LRRC4C: variants seen among roughly 807,000 people sequenced by gnomAD.
LRRC4C encodes leucine-rich repeat-containing protein 4C.
In LRRC4C, 5 loss-of-function variants were observed where a neutral mutation model predicts 33.6. The ratio of observed to expected loss-of-function variants is 0.15; its 90% CI spans 0.08 to 0.31. The LOEUF (loss-of-function observed/expected upper bound fraction) is 0.31, where lower values mean the gene tolerates loss of function less well. Ranked by LOEUF, LRRC4C falls within the 10% of genes least tolerant of loss-of-function variation. The pLI is 1.00. For missense variants in LRRC4C, 560 were observed against 796.7 expected (o/e 0.70, Z 3.58); for synonymous variants, 329 against 302.0 (o/e 1.09, Z -0.93).
intron 3 of LRRC4C, among the ~76,000 whole-genome samples, chr11:40,453,802 T>A (rs1952009385): frequency 1.3e-5 from 2 of 152,112 alleles, no homozygotes; most frequent in African/African-American, 2.4e-5. Flanking sequence ...GGGCTTATGG[T>A]GGGGTGAGAA....
chr11:41,034,607 G>GTATATATATATATATA (rs59350888), intron 1 of LRRC4C, among the ~76,000 whole-genome samples: 1 of 97,040 alleles, frequency 1.0e-5, no homozygotes, highest in African/African-American at 3.8e-5. Context: ...ATATGGTGAC[G>GTATATATATATATATA]TATATATATA....
At chr11:40,499,575 C>T (rs2138605191) in intron 3 of LRRC4C, among the ~76,000 whole-genome samples, 1 of 151,872 alleles carries the variant, frequency 6.6e-6, no homozygotes, top group South Asian at 2.1e-4. Flanking sequence ...AACAAAAGAG[C>T]CACAAAAAAT....
chr11:40,347,583 A>G (rs945156217), intron 3 of LRRC4C, among the ~76,000 whole-genome samples: 2 of 152,146 alleles, frequency 1.3e-5, no homozygotes, highest in Non-Finnish European at 2.9e-5. Context: ...GAGATGTGCA[A>G]TATTTCCTTT....
intron 1 of LRRC4C, among the ~76,000 whole-genome samples, chr11:41,423,222 C>G (rs2056247592): frequency 6.6e-6 from 1 of 151,844 alleles, no homozygotes. Flanking sequence ...TATTTGGAGA[C>G]CCATGGGTAA....
intron 5 of LRRC4C, among the ~76,000 whole-genome samples, chr11:40,236,636 C>A (rs1313024355): frequency 1.3e-5 from 2 of 152,002 alleles, no homozygotes; most frequent in Admixed American, 1.3e-4. Flanking sequence ...CTGAGGCACC[C>A]CCCTCCCCCA....
chr11:40,613,654 G>C (rs1287761439), intron 3 of LRRC4C, among the ~76,000 whole-genome samples: 6 of 151,744 alleles, frequency 4.0e-5, no homozygotes, highest in Admixed American at 4.0e-4. Context: ...ATCTAGGATG[G>C]TGAATCCTTT....
intron 1 of LRRC4C, among the ~76,000 whole-genome samples, chr11:41,129,535 T>C (rs1942913781): frequency 6.6e-6 from 1 of 152,042 alleles, no homozygotes; most frequent in African/African-American, 2.4e-5. Context: ...TGTAATTTAC[T>C]AATAGAATGT....
At chr11:40,487,307 T>A (rs1953913742) in intron 3 of LRRC4C, among the ~76,000 whole-genome samples, 1 of 152,094 alleles carries the variant, frequency 6.6e-6, no homozygotes, top group African/African-American at 2.4e-5. Flanking sequence ...TATAAAGAAT[T>A]TTCCTCTTCA....
intron 2 of LRRC4C, among the ~76,000 whole-genome samples, chr11:40,907,062 C>T (rs1283551234): frequency 6.6e-6 from 1 of 152,096 alleles, no homozygotes; most frequent in Non-Finnish European, 1.5e-5. Flanking sequence ...TGTTTTCAGT[C>T]CAGCAAATAT....
chr11:40,460,727 C>T (rs1436770203), intron 3 of LRRC4C, among the ~76,000 whole-genome samples: 1 of 152,112 alleles, frequency 6.6e-6, no homozygotes, highest in African/African-American at 2.4e-5. Context: ...AGACAAGATG[C>T]TCCACGAAGA....
intron 1 of LRRC4C, among the ~76,000 whole-genome samples, chr11:41,310,634 A>G (rs537340536): frequency 2.0e-5 from 3 of 152,336 alleles, no homozygotes; most frequent in South Asian, 2.1e-4. Context: ...CAAGTGTTAG[A>G]TATTATTATT....
At chr11:40,862,176 G>T (rs1008218183) in intron 2 of LRRC4C, among the ~76,000 whole-genome samples, 1 of 151,958 alleles carries the variant, frequency 6.6e-6, no homozygotes, top group Non-Finnish European at 1.5e-5. Context: ...AATAAAAGAT[G>T]GTTTTAAAAT....
chr11:41,330,021 G>A (rs1951243471), intron 1 of LRRC4C, among the ~76,000 whole-genome samples: 1 of 152,196 alleles, frequency 6.6e-6, no homozygotes, highest in South Asian at 2.1e-4. Flanking sequence ...GAGAAATAGA[G>A]AAAATCAAAC....
At chr11:40,910,557 A>C (rs1956624166) in intron 2 of LRRC4C, among the ~76,000 whole-genome samples, 1 of 152,176 alleles carries the variant, frequency 6.6e-6, no homozygotes, top group South Asian at 2.1e-4. Flanking sequence ...AAATTCAGAA[A>C]GTTTGGTGGT....
chr11:40,616,384 A>G (rs908321942), intron 3 of LRRC4C, among the ~76,000 whole-genome samples: 10 of 152,082 alleles, frequency 6.6e-5, no homozygotes, highest in African/African-American at 2.2e-4. Flanking sequence ...TAGAAACACC[A>G]TTTGACCCAG....
At chr11:40,908,107 C>A (rs1956505352) in intron 2 of LRRC4C, among the ~76,000 whole-genome samples, 1 of 152,026 alleles carries the variant, frequency 6.6e-6, no homozygotes, top group Admixed American at 6.6e-5. Flanking sequence ...TGAATAAATA[C>A]TCTGTTGGAT....
intron 2 of LRRC4C, among the ~76,000 whole-genome samples, chr11:40,871,848 T>G (rs887262536): frequency 2.0e-5 from 3 of 152,124 alleles, no homozygotes; most frequent in African/African-American, 7.2e-5. Context: ...CCCTACACAC[T>G]CATTGCACCT....
chr11:40,592,130 C>T (rs1959087219), intron 3 of LRRC4C, among the ~76,000 whole-genome samples: 1 of 152,188 alleles, frequency 6.6e-6, no homozygotes, highest in Non-Finnish European at 1.5e-5. Flanking sequence ...TGGGCCAACC[C>T]AGAAAGCAGC....
intron 6 of LRRC4C, among the ~76,000 whole-genome samples, chr11:40,131,338 T>G (rs774638777): frequency 2.6e-5 from 4 of 152,120 alleles, no homozygotes; most frequent in Non-Finnish European, 4.4e-5. Context: ...AAATGAAAAT[T>G]TATATATTAA....
Sources: allele counts gnomAD v4.1 joint callset (sites outside exome capture counted in the v4.1 genomes callset), GRCh38; gene constraint gnomAD v4.1.1; transcripts MANE v1.5; gene names NCBI Gene and HGNC (gene_info 2026-07-23, HGNC 2026-07-21).